The following TNFRSF17 variants were observed in gnomAD, a reference collection of about 807,000 sequenced individuals.
The protein encoded by TNFRSF17 is TNF receptor superfamily member 17.
A neutral mutation model predicts 9.9 loss-of-function variants in TNFRSF17; 13 were observed. The observed-to-expected ratio is 1.31, with a 90% CI of 0.85 to 2.08. TNFRSF17 has a LOEUF of 2.08. Among genes scored for constraint, TNFRSF17 ranks in the 30% most tolerant of loss-of-function variants. The pLI is 0.00. For missense variants in TNFRSF17, 305 were observed against 225.8 expected, an observed-to-expected ratio of 1.35 and a Z score of -2.25; for synonymous variants, 99 against 83.7, an observed-to-expected ratio of 1.18 and a Z score of -1.00.
At chr16:11,966,475 T>A in intron 2 of TNFRSF17, 134 bp downstream of exon 2, 1 of 908,464 alleles carries the variant, frequency 1.1e-6, no homozygotes. Context: ...CATTGTTACA[T>A]TAAATGAACT....
At chr16:11,967,138 C>A in intron 2 of TNFRSF17, 1 of 197,194 alleles carries the variant, frequency 5.1e-6, no homozygotes, top group Non-Finnish European at 1.1e-5. Flanking sequence ...GTAACTGGGA[C>A]TATAGGTATG....
rs113542863 is a variant in TNFRSF17, at chr16:11,968,055, CT to C, written c.*216del. On this transcript the variant is annotated 3_prime_UTR_variant, in exon 3 of 3. Transcript: ENST00000053243. ...ACTTCCTTGGTTTCATGATTAAACTCTTTTTTTTCCTGACATCTAAGTTTTT... is the reference window on the plus strand; with the variant it reads ...ACTTCCTTGGTTTCATGATTAAACTCTTTTTTTCCTGACATCTAAGTTTTT... 3.9e-5 allele frequency: 20 copies of C among 508,838 alleles called. No individual in the cohort carries two copies. The Middle Eastern group carries it at 1.6e-3, about 41-fold the overall frequency. 31.5% of individuals were successfully genotyped at this position (508,838 alleles called of 1,614,324 possible). A position where few individuals can be genotyped will look rare whatever the true frequency, so the allele number is the denominator to read the frequency against.
intron 2 of TNFRSF17, chr16:11,967,144 G>C (rs920437440): frequency 5.0e-6 from 1 of 198,690 alleles, no homozygotes; most frequent in African/African-American, 2.4e-5. Context: ...GGGACTATAG[G>C]TATGTGCCAT....
intron 1 of TNFRSF17, among the ~76,000 whole-genome samples, chr16:11,965,885 G>A (rs1394144728): frequency 6.6e-6 from 1 of 152,172 alleles, no homozygotes; most frequent in Non-Finnish European, 1.5e-5. Context: ...CGAGGTGGGT[G>A]AATCACCTGA....
chr16:11,966,174 T>C, intron 1 of TNFRSF17, 21 bp from the exon 2 acceptor site: 1 of 1,597,206 alleles, frequency 6.3e-7, no homozygotes, highest in Middle Eastern at 1.7e-4. Flanking sequence ...TCATTATCTG[T>C]CTGATGTTCT....
chr16:11,966,360 C>G lies in TNFRSF17; in HGVS notation c.277+19C>G. Reference sequence around the variant, plus strand: ...AACACAGGTTGGTTTGATGGTGAATCTTTGAAATCTATTTCCAGGGGATGG... The same window carrying G: ...AACACAGGTTGGTTTGATGGTGAATGTTTGAAATCTATTTCCAGGGGATGG... On this transcript the variant is annotated intron_variant, in intron 2 of 2. Coordinates refer to ENST00000053243, the MANE Select transcript of TNFRSF17 (RefSeq NM_001192.3). 6.2e-7 allele frequency: 1 copy of G among 1,601,072 alleles called. No individual in the cohort carries two copies. Among genetic ancestry groups the G allele is most frequent in the Non-Finnish European group, 8.5e-7 (1 of 1,172,284 alleles).
At position 11,966,322 on chromosome 16, in the gene TNFRSF17, G is replaced by A. The variant is rs2055193645; in HGVS notation, c.258G>A (p.Lys86=). Residue 86 remains lysine (K), a synonymous_variant, in exon 2 of 3, where the codon AAG becomes AAA. Coordinates refer to ENST00000053243, the MANE Select transcript of TNFRSF17 (RefSeq NM_001192.3). ...LLRKINSEPL[K]DEFKNTGSGL... ...GGAAGATAAACTCTGAACCATTAAA[G>A]GACGAGTTTAAAAACACAGGTTGGT... is the stretch of plus-strand genomic sequence containing the variant. The A allele has an allele frequency of 2.5e-6, 4 of 1,612,468 alleles. 1 individual carries two copies. The Admixed American group carries it at 6.7e-5, about 27-fold the overall frequency.
Position 11,967,941 on chromosome 16 carries a change from T to C in TNFRSF17, c.*94T>C, listed in dbSNP as rs113128674. The C allele has an allele frequency of 4.3e-6, 6 of 1,403,328 alleles. No individual in the cohort carries two copies. The African/African-American group carries it at 5.7e-5, about 13-fold the overall frequency. The allele number at this position is 1,403,328 out of a possible 1,614,324, so 86.9% of individuals were successfully genotyped here. ...CTTTAGGATGACTGTATTTTTCAGT[T>C]GCCGATACAGCTTTTTGTCCTCTAA... On this transcript the variant is annotated 3_prime_UTR_variant, in exon 3 of 3. Coordinates refer to ENST00000053243, the MANE Select transcript of TNFRSF17 (RefSeq NM_001192.3).
In TNFRSF17 at chr16:11,967,786, G is replaced by A. The variant is rs11570159; in HGVS notation, c.494G>A (p.Cys165Tyr). 1.2e-6 allele frequency: 2 copies of A among 1,614,214 alleles called. No homozygotes were observed. The highest frequency in any genetic ancestry group is 1.3e-5 in the African/African-American group (1 of 75,062). ...ILVTTKTNDY[C>Y]KSLPAALSAT... ...GTCACCACGAAAACGAATGACTATT[G>A]CAAGAGCCTGCCAGCTGCTTTGAGT... Residue 165 changes from cysteine (C) to tyrosine (Y), a missense_variant, in exon 3 of 3, where the codon TGC becomes TAC. Cys to Tyr is a radical substitution (Grantham distance 194). Transcript: ENST00000053243.
chr16:11,966,851 T>C (rs1374538970), intron 2 of TNFRSF17, among the ~76,000 whole-genome samples: 1 of 152,104 alleles, frequency 6.6e-6, no homozygotes, highest in African/African-American at 2.4e-5. Context: ...TTTTAAGCAA[T>C]AGAGAACCAG....
intron 1 of TNFRSF17, 78 bp downstream of exon 1, chr16:11,965,532 C>A: frequency 7.1e-7 from 1 of 1,418,412 alleles, no homozygotes; most frequent in Non-Finnish European, 9.7e-7. Flanking sequence ...AGAGAATCAA[C>A]ATAATGGGCA....
At chr16:11,965,782 C>T (rs939305269) in intron 1 of TNFRSF17, among the ~76,000 whole-genome samples, 1 of 152,120 alleles carries the variant, frequency 6.6e-6, no homozygotes, top group Non-Finnish European at 1.5e-5. Flanking sequence ...GCTATCAAAA[C>T]AATCCATAAT....
chr16:11,966,314 C>T lies in TNFRSF17; in HGVS notation c.250C>T (p.Pro84Ser), dbSNP rs772859510. 1.7e-5 allele frequency: 28 copies of T among 1,613,038 alleles called. No homozygotes were observed. The highest frequency in any genetic ancestry group is 2.2e-5 in the Non-Finnish European group (26 of 1,179,662). The change falls in exon 2 of 3, where the codon CCA becomes TCA. Residue 84 changes from proline (P) to serine (S), a missense_variant. Pro to Ser is a moderately conservative substitution (Grantham distance 74, BLOSUM62 -1). Coordinates refer to ENST00000053243, the MANE Select transcript of TNFRSF17 (RefSeq NM_001192.3). ...TTTGCTAAGGAAGATAAACTCTGAA[C>T]CATTAAAGGACGAGTTTAAAAACAC... ...MFLLRKINSE[P>S]LKDEFKNTGS...
In TNFRSF17 at chr16:11,968,052, A is replaced by AG; in HGVS notation, c.*205_*206insG. On this transcript the variant is annotated 3_prime_UTR_variant, in exon 3 of 3. Coordinates refer to ENST00000053243, the MANE Select transcript of TNFRSF17 (RefSeq NM_001192.3). ...GAAACTTCCTTGGTTTCATGATTAAACTCTTTTTTTTCCTGACATCTAAGT... is the reference window on the plus strand; with the variant it reads ...GAAACTTCCTTGGTTTCATGATTAAAGCTCTTTTTTTTCCTGACATCTAAGT... 2 of 520,734 alleles carry AG rather than the reference A, an allele frequency of 3.8e-6. No homozygotes were observed. The highest frequency in any genetic ancestry group is 6.3e-6 in the Non-Finnish European group (2 of 318,130). The allele number at this position is 520,734 out of a possible 1,614,324, so 32.3% of individuals were successfully genotyped here.
Position 11,965,394 on chromosome 16 carries a change from T to G in TNFRSF17, c.70T>G (p.Cys24Gly). The G allele has an allele frequency of 1.2e-6, 2 of 1,614,232 alleles. No homozygotes were observed. The highest frequency in any genetic ancestry group is 1.7e-6 in the Non-Finnish European group (2 of 1,180,020). ...CAGTTTGTTGCATGCTTGCATACCT[T>G]GTCAACTTCGATGTTCTTCTAATAC... is the stretch of plus-strand genomic sequence containing the variant. ...FDSLLHACIP[C>G]QLRCSSNTPP... The change falls in exon 1 of 3, where the codon TGT becomes GGT. Residue 24 changes from cysteine to glycine, a missense_variant. Cys to Gly is a radical substitution (Grantham distance 159). Coordinates refer to ENST00000053243, the MANE Select transcript of TNFRSF17 (RefSeq NM_001192.3).
chr16:11,966,028 T>C (rs370684194), intron 1 of TNFRSF17, among the ~76,000 whole-genome samples, 167 bp from the exon 2 acceptor site: 200 of 152,224 alleles, frequency 1.3e-3, no homozygotes, highest in African/African-American at 4.6e-3. Context: ...GGAGAATTGT[T>C]TGAACTTGGG....
In TNFRSF17 at chr16:11,967,972, G is replaced by A; in HGVS notation, c.*125G>A. On this transcript the variant is annotated 3_prime_UTR_variant, in exon 3 of 3. Transcript: ENST00000053243. ...TACAGCTTTTTGTCCTCTAACTGTGGAAACTCTTTATGTTAGATATATTTC... is the reference window on the plus strand; with the variant it reads ...TACAGCTTTTTGTCCTCTAACTGTGAAAACTCTTTATGTTAGATATATTTC... 2 of 1,072,180 alleles carry A rather than the reference G, an allele frequency of 1.9e-6. No individual in the cohort carries two copies. Among genetic ancestry groups the A allele is most frequent in the South Asian group, 1.6e-5 (1 of 60,716 alleles). The allele number at this position is 1,072,180 out of a possible 1,614,324, so 66.4% of individuals were successfully genotyped here. A position where few individuals can be genotyped will look rare whatever the true frequency, so the allele number is the denominator to read the frequency against.
In TNFRSF17 at chr16:11,967,908, T is replaced by A; in HGVS notation, c.*61T>A. The A allele has an allele frequency of 6.4e-7, 1 of 1,562,118 alleles. No homozygotes were observed. Among genetic ancestry groups the A allele is most frequent in the Non-Finnish European group, 8.7e-7 (1 of 1,151,104 alleles). ...ATCTTTTGTCAGAATAGATGATGTG[T>A]CAGATCTCTTTAGGATGACTGTATT... On this transcript the variant is annotated 3_prime_UTR_variant, in exon 3 of 3. Transcript: ENST00000053243.
In TNFRSF17 at chr16:11,968,019, T is replaced by A; in HGVS notation, c.*172T>A. On this transcript the variant is annotated 3_prime_UTR_variant, in exon 3 of 3. Coordinates refer to ENST00000053243, the MANE Select transcript of TNFRSF17 (RefSeq NM_001192.3). ...TTTCTCTAGGTTACTGTTGGGAGCTTAATGGTAGAAACTTCCTTGGTTTCA... is the reference window on the plus strand; with the variant it reads ...TTTCTCTAGGTTACTGTTGGGAGCTAAATGGTAGAAACTTCCTTGGTTTCA... 1.4e-6 allele frequency: 1 copy of A among 716,356 alleles called. No individual in the cohort carries two copies. Among genetic ancestry groups the A allele is most frequent in the Non-Finnish European group, 2.2e-6 (1 of 460,192 alleles). The allele number at this position is 716,356 out of a possible 1,614,324, so 44.4% of individuals were successfully genotyped here.
Sources: allele counts gnomAD v4.1 joint callset (sites outside exome capture counted in the v4.1 genomes callset), GRCh38; gene constraint gnomAD v4.1.1; transcripts MANE v1.5; gene names NCBI Gene and HGNC (gene_info 2026-07-23, HGNC 2026-07-21).